Variants in SAMD9L observed in about 807,000 individuals in gnomAD.
SAMD9L encodes the protein sterile alpha motif domain-containing protein 9-like.
SAMD9L carries 68 observed loss-of-function variants against 90.7 expected under a neutral mutation model. That is an observed-to-expected ratio of 0.75 (90% CI 0.62 to 0.92). The LOEUF (loss-of-function observed/expected upper bound fraction) is 0.92, where lower values mean the gene tolerates loss of function less well. SAMD9L is among the 40% of genes least tolerant of loss of function. The probability of loss-of-function intolerance (pLI) is 0.00; values close to 1 mark genes in which losing one functional copy is unlikely to be tolerated. For synonymous variants in SAMD9L, 640 were observed against 630.1 expected (o/e 1.02, Z -0.23); for missense variants, 1,604 against 1,824.3 (o/e 0.88, Z 2.20).
At chr7:93,139,958 A>T (rs1475815630) in intron 4 of SAMD9L, among the ~76,000 whole-genome samples, 1 of 152,142 alleles carries the variant, frequency 6.6e-6, no homozygotes, top group African/African-American at 2.4e-5. Context: ...TATTTCTTTG[A>T]TTATTCATTA....
At chr7:93,140,506 T>C (rs1792648583) in intron 4 of SAMD9L, among the ~76,000 whole-genome samples, 1 of 152,206 alleles carries the variant, frequency 6.6e-6, no homozygotes, top group African/African-American at 2.4e-5. Flanking sequence ...ACCTCTTCAC[T>C]TGCAGTAGTC....
chr7:93,140,194 C>T (rs536235320), intron 4 of SAMD9L, among the ~76,000 whole-genome samples: 1 of 148,504 alleles, frequency 6.7e-6, no homozygotes, highest in South Asian at 2.2e-4. Flanking sequence ...CTGACTGGAA[C>T]ATGGTTGGAC....
At position 93,133,279 on chromosome 7, in the gene SAMD9L, T is replaced by G. The variant is rs1562790754; in HGVS notation, c.2693A>C (p.Glu898Ala). ...SFMIMKSNFDETYIENVVRNI... is the reference protein window; with the variant it reads ...SFMIMKSNFDATYIENVVRNI... The stretch of plus-strand genomic sequence containing the variant: ...CCTGACTACATTTTCTATATATGTT[T>G]CATCAAAATTGCTTTTCATGATCAT... Residue 898 changes from glutamate (E) to alanine (A), a missense_variant, in exon 5 of 5, where the codon GAA (glutamate) becomes GCA (alanine). Around this residue, in one of 7 missense-constraint regions of SAMD9L, gnomAD observed 606 missense variants for 717.6 expected, o/e 0.84. Transcript: ENST00000318238. 1 of 1,612,388 alleles carries G rather than the reference T, an allele frequency of 6.2e-7. No individual in the cohort carries two copies. The highest frequency in any genetic ancestry group is 1.3e-5 in the African/African-American group (1 of 74,850).
rs1346276637 is a variant in SAMD9L at position 93,131,956 on chromosome 7, C to T, written c.4016G>A (p.Arg1339Lys). ...RKKLEALRAD[R>K]FAGLLEYLNP... Reference sequence around the variant, plus strand: ...AAGATATTCCAAGAGTCCAGCAAACCTATCTGCTCTCAGAGCTTCTAGCTT... The same window carrying T: ...AAGATATTCCAAGAGTCCAGCAAACTTATCTGCTCTCAGAGCTTCTAGCTT... Residue 1339 changes from arginine (R) to lysine (K), a missense_variant, in exon 5 of 5, where the codon AGG (arginine) becomes AAG (lysine). Around this residue, in one of 7 missense-constraint regions of SAMD9L, gnomAD observed 282 missense variants for 329.6 expected, o/e 0.86. Transcript: ENST00000318238. 1.2e-6 allele frequency: 2 copies of T among 1,612,524 alleles called. No homozygotes were observed. Among genetic ancestry groups the T allele is most frequent in the Non-Finnish European group, 1.7e-6 (2 of 1,179,536 alleles).
At position 93,131,890 on chromosome 7, in the gene SAMD9L, A is replaced by G. The variant is rs202162088; in HGVS notation, c.4082T>C (p.Val1361Ala). ...CTGCAGTAGGAAGGCATATTCATTC[A>G]CTATACTTTCCATGGTGGTAGCATC... Reference protein sequence around the residue: ...YKDATTMESIVNEYAFLLQQN... With the variant: ...YKDATTMESIANEYAFLLQQN... The change falls in exon 5 of 5, where the codon GTG (valine) becomes GCG (alanine). Residue 1361 changes from valine (V) to alanine (A), a missense_variant. Coordinates refer to ENST00000318238, the MANE Select transcript of SAMD9L (RefSeq NM_152703.5). 7.8e-5 allele frequency: 125 copies of G among 1,612,452 alleles called. No homozygotes were observed. The highest frequency in any genetic ancestry group is 4.6e-4 in the South Asian group (42 of 91,070).
At position 93,132,206 on chromosome 7, in the gene SAMD9L, G is replaced by A; in HGVS notation, c.3766C>T (p.His1256Tyr). ...CYLALSKFTS[H>Y]LKNLQSDLKR... The stretch of plus-strand genomic sequence containing the variant: ...AGATCTGATTGTAAATTTTTTAGGT[G>A]GGATGTGAACTTGCTAAGAGCCAAA... Residue 1256 changes from histidine to tyrosine, a missense_variant, in exon 5 of 5, where the codon CAC becomes TAC. Physicochemically the swap from His to Tyr is moderately conservative, Grantham distance 83. This residue lies in a region of SAMD9L where 302 missense variants were observed against 314.7 expected (regional missense o/e 0.96). Transcript: ENST00000318238. The A allele has an allele frequency of 1.2e-6, 2 of 1,613,700 alleles. No homozygotes were observed. The highest frequency in any genetic ancestry group is 1.3e-5 in the African/African-American group (1 of 75,016).
intron 3 of SAMD9L, 49 bp downstream of exon 3, chr7:93,145,336 G>T (rs1014963257): frequency 6.6e-6 from 1 of 152,174 alleles, no homozygotes; most frequent in Non-Finnish European, 1.5e-5. Context: ...TTTAAAGATA[G>T]CTTTTAAAGA....
At chr7:93,141,073 T>C (rs185122348) in intron 4 of SAMD9L, among the ~76,000 whole-genome samples, 19 of 152,366 alleles carry the variant, frequency 1.2e-4, no homozygotes, top group African/African-American at 3.8e-4. Context: ...TTGGTATTGC[T>C]ACAGACAGTT....
In SAMD9L at chr7:93,133,119, A is replaced by AGTGT. The variant is rs755283987; in HGVS notation, c.2849_2852dup (p.Ser952HisfsTer2). The AGTGT allele has an allele frequency of 8.7e-6, 14 of 1,612,990 alleles. No homozygotes were observed. In the African/African-American group the frequency reaches 1.9e-4, roughly 22 times the overall value. ...AGCTTTCAGGTTCCCAGGGTGTACTAGTGTATATGATTCCCAAAAATATTT... is the reference window on the plus strand; with the variant it reads ...AGCTTTCAGGTTCCCAGGGTGTACTAGTGTGTGTATATGATTCCCAAAAATATTT... On this transcript the variant is annotated frameshift_variant, in exon 5 of 5. Coordinates refer to ENST00000318238, the MANE Select transcript of SAMD9L (RefSeq NM_152703.5). LOFTEE classifies it high-confidence loss of function.
At chr7:93,138,361 A>C (rs1792540337) in intron 4 of SAMD9L, among the ~76,000 whole-genome samples, 1 of 152,198 alleles carries the variant, frequency 6.6e-6, no homozygotes, top group Non-Finnish European at 1.5e-5. Flanking sequence ...AAACAGTGAT[A>C]ATCAAAACAG....
chr7:93,133,641 A>C lies in SAMD9L; in HGVS notation c.2331T>G (p.Ile777Met), dbSNP rs1221267371. ...TGACCAGATTGATCACTTGCTCTGC[A>C]ATTTCTGCAAAATCAGTTGTCTTGT... ...LKNKTTDFAE[I>M]AEQVINLVTY... is the part of the protein sequence containing the mutation. Residue 777 changes from isoleucine to methionine, a missense_variant, in exon 5 of 5, where the codon ATT (isoleucine) becomes ATG (methionine). By Grantham distance (10) the Ile-to-Met change is conservative. Around this residue, in one of 7 missense-constraint regions of SAMD9L, gnomAD observed 606 missense variants for 717.6 expected, o/e 0.84. Coordinates refer to ENST00000318238, the MANE Select transcript of SAMD9L (RefSeq NM_152703.5). The C allele has an allele frequency of 1.2e-6, 2 of 1,613,600 alleles. No individual in the cohort carries two copies. The highest frequency in any genetic ancestry group is 1.7e-5 in the Admixed American group (1 of 59,974).
Position 93,138,403 on chromosome 7 carries a change from A to G in SAMD9L, c.-20-2412T>C, listed in dbSNP as rs149857689. ...AGCTCGTTCATGACATTTATTGTCCATTGGAGAAGATAAAAAAAGGAAATA... is the reference window on the plus strand; with the variant it reads ...AGCTCGTTCATGACATTTATTGTCCGTTGGAGAAGATAAAAAAAGGAAATA... On this transcript the variant is annotated intron_variant, in intron 4 of 4. Coordinates refer to ENST00000318238, the MANE Select transcript of SAMD9L (RefSeq NM_152703.5). 3.5e-4 allele frequency among the ~76,000 whole-genome samples: 53 copies of G among 151,118 alleles called. 1 individual carries two copies. The highest frequency in any genetic ancestry group is 1.2e-3 in the African/African-American group (51 of 41,386).
rs1313577648 is a variant in SAMD9L, at chr7:93,134,427, A to G, written c.1545T>C (p.His515=). The change falls in exon 5 of 5, where the codon CAT becomes CAC. Residue 515 remains histidine, a synonymous_variant. Transcript: ENST00000318238. ...KSETYKPLEP[H]LWQRERASEV... is the part of the protein sequence containing the mutation. Reference sequence around the variant, plus strand: ...CTGAAGCTCTTTCTCTCTGCCATAAATGTGGTTCTAGAGGTTTATATGTCT... The same window carrying G: ...CTGAAGCTCTTTCTCTCTGCCATAAGTGTGGTTCTAGAGGTTTATATGTCT... 1.9e-6 allele frequency: 3 copies of G among 1,613,856 alleles called. No homozygotes were observed. Among genetic ancestry groups the G allele is most frequent in the Admixed American group, 1.7e-5 (1 of 59,986 alleles).
chr7:93,147,312 G>T (rs1396922579), intron 1 of SAMD9L, among the ~76,000 whole-genome samples, 166 bp from the exon 2 acceptor site: 1 of 152,136 alleles, frequency 6.6e-6, no homozygotes, highest in African/African-American at 2.4e-5. Context: ...CTTTCTAGGG[G>T]CCCTCAGTGT....
intron 4 of SAMD9L, among the ~76,000 whole-genome samples, chr7:93,140,713 A>T (rs1039010933): frequency 6.6e-6 from 1 of 152,094 alleles, no homozygotes; most frequent in African/African-American, 2.4e-5. Flanking sequence ...ACTACATCAT[A>T]TGTTAGTTTC....
chr7:93,132,514 A>G lies in SAMD9L; in HGVS notation c.3458T>C (p.Leu1153Pro), dbSNP rs1350276705. The stretch of plus-strand genomic sequence containing the variant: ...TCTTGAGGCTTTTTCCGCAGCTTCT[A>G]GGAGATGTGTTAGGTCATTAACAGT... ...SITVNDLTHLLEAAEKASRAF... is the reference protein window; with the variant it reads ...SITVNDLTHLPEAAEKASRAF... The change falls in exon 5 of 5, where the codon CTA becomes CCA. Residue 1153 changes from leucine to proline, a missense_variant. Coordinates refer to ENST00000318238, the MANE Select transcript of SAMD9L (RefSeq NM_152703.5). The G allele has an allele frequency of 1.2e-6, 2 of 1,613,786 alleles. No homozygotes were observed. Among genetic ancestry groups the G allele is most frequent in the Admixed American group, 1.7e-5 (1 of 59,972 alleles).
chr7:93,134,345 A>T lies in SAMD9L; in HGVS notation c.1627T>A (p.Phe543Ile), dbSNP rs2116494981. The part of the protein sequence containing the change: ...TDENIMTRGK[F>I]LVVFLLLSSV... Reference sequence around the variant, plus strand: ...GAGAGTAATAGAAACACTACCAAAAATTTTCCTCTTGTCATTATATTTTCA... The same window carrying T: ...GAGAGTAATAGAAACACTACCAAAATTTTTCCTCTTGTCATTATATTTTCA... The change falls in exon 5 of 5, where the codon TTT (phenylalanine) becomes ATT (isoleucine). Residue 543 changes from phenylalanine (F) to isoleucine (I), a missense_variant. By Grantham distance (21) the Phe-to-Ile change is conservative. Coordinates refer to ENST00000318238, the MANE Select transcript of SAMD9L (RefSeq NM_152703.5). 6.2e-7 allele frequency: 1 copy of T among 1,610,874 alleles called. No individual in the cohort carries two copies. The highest frequency in any genetic ancestry group is 2.2e-5 in the East Asian group (1 of 44,832).
chr7:93,133,998 G>A lies in SAMD9L; in HGVS notation c.1974C>T (p.Ile658=). The change falls in exon 5 of 5, where the codon ATC becomes ATT. Residue 658 remains isoleucine (I), a synonymous_variant. Coordinates refer to ENST00000318238, the MANE Select transcript of SAMD9L (RefSeq NM_152703.5). ...KKEDVLTALE[I]LCENECTETD... is the part of the protein sequence containing the mutation. The stretch of plus-strand genomic sequence containing the variant: ...TCTCTGTACACTCATTTTCACAGAG[G>A]ATTTCCAGTGCAGTCAAGACATCCT... 3 of 1,613,642 alleles carry A rather than the reference G, an allele frequency of 1.9e-6. No homozygotes were observed. Among genetic ancestry groups the A allele is most frequent in the Non-Finnish European group, 2.5e-6 (3 of 1,179,810 alleles).
Position 93,144,477 on chromosome 7 carries a change from C to T in SAMD9L, c.-21+255G>A, listed in dbSNP as rs376097044. On this transcript the variant is annotated intron_variant, in intron 4 of 4. Coordinates refer to ENST00000318238, the MANE Select transcript of SAMD9L (RefSeq NM_152703.5). ...TAATCTAGAGATGACTCAAAGTACA[C>T]GGGAGGATGTGTATAGGTTATATGC... Among the ~76,000 whole-genome samples, 59 of 152,220 alleles carry T rather than the reference C, an allele frequency of 3.9e-4. No individual in the cohort carries two copies. In the South Asian group the frequency reaches 0.01, roughly 27 times the overall value.
Sources: allele counts gnomAD v4.1 joint callset (sites outside exome capture counted in the v4.1 genomes callset), GRCh38; gene constraint gnomAD v4.1.1; regional missense constraint gnomAD v4.1.1; transcripts MANE v1.5; gene names NCBI Gene and HGNC (gene_info 2026-07-23, HGNC 2026-07-21).